Variants in NME7 observed in about 807,000 individuals in gnomAD.
NME7 encodes NME/NM23 family member 7.
In NME7, 41 loss-of-function variants were observed where a neutral mutation model predicts 49.1. That is an observed-to-expected ratio of 0.83 (90% CI 0.65 to 1.08). The LOEUF is 1.08. NME7 is among the 50% of genes least tolerant of loss of function. The pLI is 0.00. For missense variants in NME7, 423 were observed against 463.4 expected, an observed-to-expected ratio of 0.91 and a Z score of 0.80; for synonymous variants, 139 against 150.6, an observed-to-expected ratio of 0.92 and a Z score of 0.56.
At chr1:169,172,063 T>G (rs1253998974) in intron 10 of NME7, among the ~76,000 whole-genome samples, 4 of 152,048 alleles carry the variant, frequency 2.6e-5, no homozygotes, top group African/African-American at 9.7e-5. Context: ...GCTGATTTAC[T>G]CTGCTGCTCT....
intron 10 of NME7, among the ~76,000 whole-genome samples, chr1:169,222,604 A>C (rs753283219): frequency 2.0e-5 from 3 of 152,186 alleles, no homozygotes; most frequent in Non-Finnish European, 4.4e-5. Context: ...TTGTTCTGTT[A>C]AGACAATAGA....
intron 1 of NME7, among the ~76,000 whole-genome samples, chr1:169,335,494 T>A (rs948481534): frequency 4.0e-5 from 6 of 151,024 alleles, no homozygotes; most frequent in East Asian, 3.9e-4. Context: ...CACTCATAAG[T>A]GGGAGGTGAA....
At chr1:169,217,533 G>A (rs1479188283) in intron 10 of NME7, among the ~76,000 whole-genome samples, 1 of 152,110 alleles carries the variant, frequency 6.6e-6, no homozygotes, top group African/African-American at 2.4e-5. Flanking sequence ...AATTTCAAAT[G>A]TATTACATTA....
At chr1:169,269,935 A>ATC (rs1265698659) in intron 7 of NME7, among the ~76,000 whole-genome samples, 1 of 132,868 alleles carries the variant, frequency 7.5e-6, no homozygotes, top group Non-Finnish European at 1.8e-5. Context: ...ATTTTTCTCT[A>ATC]TCTCTCTCTC....
chr1:169,212,111 T>A (rs1173987874), intron 10 of NME7, among the ~76,000 whole-genome samples: 2 of 152,154 alleles, frequency 1.3e-5, no homozygotes, highest in African/African-American at 2.4e-5. Flanking sequence ...TTTTCTAGTA[T>A]GTAATTTTTA....
chr1:169,355,733 A>T (rs892137732), intron 1 of NME7, among the ~76,000 whole-genome samples: 1 of 151,748 alleles, frequency 6.6e-6, no homozygotes, highest in Non-Finnish European at 1.5e-5. Context: ...CTGACCAGCT[A>T]ACTAAATACC....
At chr1:169,142,430 T>G (rs1357631431) in intron 11 of NME7, among the ~76,000 whole-genome samples, 1 of 152,180 alleles carries the variant, frequency 6.6e-6, no homozygotes, top group Non-Finnish European at 1.5e-5. Context: ...AAACGATGCT[T>G]GATGACTTAC....
intron 8 of NME7, among the ~76,000 whole-genome samples, chr1:169,237,335 T>C (rs1647897635): frequency 6.6e-6 from 1 of 152,126 alleles, no homozygotes; most frequent in African/African-American, 2.4e-5. Flanking sequence ...AATACAGTTT[T>C]TGGTCCTTAT....
At chr1:169,161,194 T>G (rs1432826968) in intron 11 of NME7, among the ~76,000 whole-genome samples, 2 of 152,228 alleles carry the variant, frequency 1.3e-5, no homozygotes, top group African/African-American at 4.8e-5. Flanking sequence ...GTTTCCAGCT[T>G]TATCTCTTGC....
intron 7 of NME7, among the ~76,000 whole-genome samples, chr1:169,258,382 A>G (rs76392263): frequency 5.1e-5 from 3 of 58,938 alleles, no homozygotes; most frequent in African/African-American, 1.9e-4. Flanking sequence ...AAACATATAT[A>G]TATATATATA....
intron 10 of NME7, among the ~76,000 whole-genome samples, chr1:169,179,200 T>G (rs1659856066): frequency 6.6e-6 from 1 of 152,094 alleles, no homozygotes; most frequent in South Asian, 2.1e-4. Context: ...AAAAAACATA[T>G]GAAATAAAGC....
At chr1:169,182,189 A>AAAG (rs1553243360) in intron 10 of NME7, among the ~76,000 whole-genome samples, 16 of 148,250 alleles carry the variant, frequency 1.1e-4, no homozygotes, top group South Asian at 2.3e-4. Flanking sequence ...AAAAAAAAAA[A>AAAG]CAACTCTGTA....
Position 169,310,023 on chromosome 1 carries a change from T to C in NME7, c.336A>G (p.Ile112Met), listed in dbSNP as rs1651324839. 1 of 1,608,738 alleles carries C rather than the reference T, an allele frequency of 6.2e-7. No individual in the cohort carries two copies. Among genetic ancestry groups the C allele is most frequent in the Non-Finnish European group, 8.5e-7 (1 of 1,177,802 alleles). Residue 112 changes from isoleucine (I) to methionine (M), a missense_variant, in exon 4 of 12, where the codon ATA becomes ATG. Ile to Met is a conservative substitution (Grantham distance 10). Transcript: ENST00000367811. The part of the protein sequence containing the change: ...AISKAGEIIE[I>M]INKAGFTITK... ...TTATAGTAAATCCAGCTTTGTTTATTATTTCAATTATTTCTCCAGCCTTTG... is the reference window on the plus strand; with the variant it reads ...TTATAGTAAATCCAGCTTTGTTTATCATTTCAATTATTTCTCCAGCCTTTG...
At chr1:169,321,675 C>A (rs544761604) in intron 3 of NME7, among the ~76,000 whole-genome samples, 6 of 152,122 alleles carry the variant, frequency 3.9e-5, no homozygotes, top group African/African-American at 1.4e-4. Context: ...GTACTAACAC[C>A]CACACTAAGA....
At chr1:169,137,457 T>C (rs1557957578) in intron 11 of NME7, among the ~76,000 whole-genome samples, 4 of 152,094 alleles carry the variant, frequency 2.6e-5, no homozygotes, top group Admixed American at 2.6e-4. Flanking sequence ...GGTTGAGAGT[T>C]GGGCGGGTTG....
chr1:169,308,256 T>G (rs1651256074), intron 4 of NME7, among the ~76,000 whole-genome samples: 1 of 152,108 alleles, frequency 6.6e-6, no homozygotes, highest in African/African-American at 2.4e-5. Flanking sequence ...GTGTTAAAGT[T>G]TCTCGGAATC....
At chr1:169,243,886 AG>A (rs1253678453) in intron 7 of NME7, among the ~76,000 whole-genome samples, 1 of 152,206 alleles carries the variant, frequency 6.6e-6, no homozygotes, top group Non-Finnish European at 1.5e-5. Flanking sequence ...TCTATATTCA[AG>A]GATTAAACAA....
chr1:169,221,709 T>G (rs934711723), intron 10 of NME7, among the ~76,000 whole-genome samples: 7 of 151,528 alleles, frequency 4.6e-5, no homozygotes, highest in Admixed American at 4.6e-4. Context: ...ACACATAAAC[T>G]TGAACACACA....
At chr1:169,341,281 G>A (rs904469404) in intron 1 of NME7, among the ~76,000 whole-genome samples, 1 of 152,204 alleles carries the variant, frequency 6.6e-6, no homozygotes, top group Admixed American at 6.5e-5. Context: ...GCTTTAAAGG[G>A]TGCAAGCCCC....
Sources: gnomAD v4.1 joint callset for allele counts (sites outside exome capture counted in the v4.1 genomes callset) on GRCh38, gnomAD v4.1.1 for gene constraint, MANE v1.5 for transcripts, NCBI Gene and HGNC (gene_info 2026-07-23, HGNC 2026-07-21) for gene names.